Variants in NID2 observed in about 807,000 individuals in gnomAD.
NID2 encodes the protein nidogen-2.
A neutral mutation model predicts 145.4 loss-of-function variants in NID2; 83 were observed. The observed-to-expected ratio is 0.57, with a 90% CI of 0.48 to 0.69. NID2 has a LOEUF of 0.69. Ranked by LOEUF, NID2 falls within the 30% of genes least tolerant of loss-of-function variation. The pLI is 0.00. For synonymous variants in NID2, 739 were observed against 701.3 expected (o/e 1.05, Z -0.85); for missense variants, 1,807 against 1,765.7 (o/e 1.02, Z -0.42).
intron 2 of NID2, among the ~76,000 whole-genome samples, chr14:52,062,692 G>A (rs1038111470): frequency 6.6e-6 from 1 of 152,134 alleles, no homozygotes; most frequent in Non-Finnish European, 1.5e-5. Context: ...ATAAGATAAG[G>A]AGGTTGTAGA....
At chr14:52,061,262 T>C (rs1442431487) in intron 2 of NID2, among the ~76,000 whole-genome samples, 2 of 152,234 alleles carry the variant, frequency 1.3e-5, no homozygotes, top group Admixed American at 6.5e-5. Context: ...CCCTATAGAA[T>C]AATTTCTGTT....
Position 52,005,428 on chromosome 14 carries a change from G to A in NID2, c.*58C>T, listed in dbSNP as rs1890729658. On this transcript the variant is annotated 3_prime_UTR_variant, in exon 22 of 22. Coordinates refer to ENST00000216286, the MANE Select transcript of NID2 (RefSeq NM_007361.4). ...TACTTTCTTTGCCTTTGCAGTCACT[G>A]TTCTTTAGGGTCCAGGTTCTGATTG... is the stretch of plus-strand genomic sequence containing the variant. 6.7e-7 allele frequency: 1 copy of A among 1,496,070 alleles called. No homozygotes were observed. The highest frequency in any genetic ancestry group is 1.4e-5 in the African/African-American group (1 of 71,432). 92.7% of individuals were successfully genotyped at this position (1,496,070 alleles called of 1,614,324 possible). A position where few individuals can be genotyped will look rare whatever the true frequency, so the allele number is the denominator to read the frequency against.
At chr14:52,046,538 T>C (rs1194341987) in intron 5 of NID2, among the ~76,000 whole-genome samples, 1 of 152,132 alleles carries the variant, frequency 6.6e-6, no homozygotes, top group African/African-American at 2.4e-5. Context: ...AGTCTAGATA[T>C]GGAGAGTTAA....
rs1892170788 is a variant in NID2, at chr14:52,038,849, G to A, written c.2155C>T (p.Pro719Ser). 6.2e-7 allele frequency: 1 copy of A among 1,614,052 alleles called. No homozygotes were observed. Among genetic ancestry groups the A allele is most frequent in the Non-Finnish European group, 8.5e-7 (1 of 1,179,976 alleles). ...CRHAPRHPSFPTTQQLNVDRV... is the reference protein window; with the variant it reads ...CRHAPRHPSFSTTQQLNVDRV... ...TCCACGTTCAGCTGCTGGGTGGTGG[G>A]GAAGGACGGGTGTCTGGGGGCGTGC... The change falls in exon 9 of 22, where the codon CCC becomes TCC. Residue 719 changes from proline to serine, a missense_variant. Transcript: ENST00000216286.
chr14:52,006,332 C>T, intron 20 of NID2: 1 of 550,764 alleles, frequency 1.8e-6, no homozygotes. Flanking sequence ...CATTCGATTT[C>T]TGGGTGAAGT....
intron 19 of NID2, 21 bp downstream of exon 19, chr14:52,007,789 G>C: frequency 6.2e-7 from 1 of 1,603,978 alleles, no homozygotes; most frequent in Non-Finnish European, 8.5e-7. Context: ...TTATCTATTT[G>C]CATTCCATCA....
rs550755710 is a variant in NID2, at chr14:52,027,400, T to C, written c.2531-56A>G. On this transcript the variant is annotated intron_variant, in intron 11 of 21. Transcript: ENST00000216286. ...AGTTTAGGCCTGCAAAGGATGAGCC[T>C]CACTCCTCATGGCATGATCCACAGA... The C allele has an allele frequency of 4.1e-5, 58 of 1,423,684 alleles. No individual in the cohort carries two copies. In the South Asian group the frequency reaches 8.0e-4, roughly 20 times the overall value. The allele number at this position is 1,423,684 out of a possible 1,614,324, so 88.2% of individuals were successfully genotyped here.
In NID2 at chr14:52,005,466, C is replaced by T; in HGVS notation, c.*20G>A. Reference sequence around the variant, plus strand: ...CAGGTTCTGATTGTAAACTCCAAGTCTTCCTTTACATTACTGTACTTACTT... The same window carrying T: ...CAGGTTCTGATTGTAAACTCCAAGTTTTCCTTTACATTACTGTACTTACTT... On this transcript the variant is annotated 3_prime_UTR_variant, in exon 22 of 22. Coordinates refer to ENST00000216286, the MANE Select transcript of NID2 (RefSeq NM_007361.4). The T allele has an allele frequency of 6.3e-7, 1 of 1,581,442 alleles. No individual in the cohort carries two copies. Among genetic ancestry groups the T allele is most frequent in the East Asian group, 2.2e-5 (1 of 44,690 alleles).
chr14:52,027,192 GTT>G lies in NID2; in HGVS notation c.2674+7_2674+8del, dbSNP rs1891616033. 4 of 1,489,184 alleles carry G rather than the reference GTT, an allele frequency of 2.7e-6. No homozygotes were observed. The South Asian group carries it at 5.4e-5, about 20-fold the overall frequency. The allele number at this position is 1,489,184 out of a possible 1,614,324, so 92.2% of individuals were successfully genotyped here. A position where few individuals can be genotyped will look rare whatever the true frequency, so the allele number is the denominator to read the frequency against. On this transcript the variant is annotated splice_region_variant and intron_variant, in intron 12 of 21. Transcript: ENST00000216286. ...TTCCAGTCATTGAGGCTGACCTGCA[GTT>G]ACTCACCAGTGCACTGGTGCCCATC... is the stretch of plus-strand genomic sequence containing the variant.
At chr14:52,045,334 C>A (rs1892448943) in intron 5 of NID2, among the ~76,000 whole-genome samples, 1 of 152,056 alleles carries the variant, frequency 6.6e-6, no homozygotes, top group Non-Finnish European at 1.5e-5. Flanking sequence ...AAGCAGCAAG[C>A]TGAGGGTTGG....
intron 1 of NID2, among the ~76,000 whole-genome samples, chr14:52,068,528 T>C (rs960907134): frequency 2.0e-5 from 3 of 152,180 alleles, no homozygotes; most frequent in Non-Finnish European, 1.5e-5. Context: ...AACGCCACCT[T>C]TTCTGCCTGG....
At position 52,014,471 on chromosome 14, in the gene NID2, G is replaced by A. The variant is rs985045219; in HGVS notation, c.3251-15C>T. The stretch of plus-strand genomic sequence containing the variant: ...GGTGGGTATACCTGTGGGAGAGAGG[G>A]TGGGAGAGCAGGAAGGGGAACAAGG... On this transcript the variant is annotated splice_polypyrimidine_tract_variant and intron_variant, in intron 15 of 21. Coordinates refer to ENST00000216286, the MANE Select transcript of NID2 (RefSeq NM_007361.4). 2 of 1,594,416 alleles carry A rather than the reference G, an allele frequency of 1.3e-6. No homozygotes were observed. The highest frequency in any genetic ancestry group is 1.3e-5 in the African/African-American group (1 of 74,776).
rs560258638 is a variant in NID2, at chr14:52,015,316, T to G, written c.3029-41A>C. On this transcript the variant is annotated intron_variant, in intron 14 of 21. Coordinates refer to ENST00000216286, the MANE Select transcript of NID2 (RefSeq NM_007361.4). ...AGAGGGAAGAAGAAAAACCTTTGAT[T>G]GTGAGTCAAGGACAGAATGCAAAAT... The G allele has an allele frequency of 2.6e-6, 4 of 1,562,794 alleles. No homozygotes were observed. In the South Asian group the frequency reaches 4.6e-5, roughly 18 times the overall value.
chr14:52,062,196 A>T (rs962983558), intron 2 of NID2, among the ~76,000 whole-genome samples: 7 of 152,250 alleles, frequency 4.6e-5, no homozygotes, highest in African/African-American at 1.4e-4. Flanking sequence ...GATGTAACAC[A>T]CTTTTCAAGA....
rs996867723 is a variant in NID2, at chr14:52,011,819, G to T, written c.3421-136C>A. 24 of 1,034,616 alleles carry T rather than the reference G, an allele frequency of 2.3e-5. No homozygotes were observed. In the East Asian group the frequency reaches 5.8e-4, roughly 25 times the overall value. 64.1% of individuals were successfully genotyped at this position (1,034,616 alleles called of 1,614,324 possible). ...CTGCAGGCAACAGAGCAGAGTAGCT[G>T]GACATGTGGGCACTCGGGTGAAATC... On this transcript the variant is annotated intron_variant, in intron 16 of 21. Transcript: ENST00000216286.
chr14:52,061,140 A>G (rs1342341143), intron 2 of NID2, among the ~76,000 whole-genome samples: 2 of 152,112 alleles, frequency 1.3e-5, no homozygotes, highest in Non-Finnish European at 2.9e-5. Flanking sequence ...AGACTATTTA[A>G]TAGTCCCCAT....
chr14:52,020,243 C>T (rs77091361), intron 12 of NID2, 65 bp from the exon 13 acceptor site: 212,141 of 1,597,246 alleles, frequency 0.13, 15,114 homozygotes, highest in East Asian at 0.17. Context: ...ACAATCTGTG[C>T]GACTGCATGG....
intron 5 of NID2, among the ~76,000 whole-genome samples, chr14:52,049,186 T>C (rs1892605383): frequency 9.8e-6 from 1 of 102,234 alleles, no homozygotes; most frequent in Non-Finnish European, 2.2e-5. Context: ...TTTTTTCTAT[T>C]TAATGTTTTT....
intron 5 of NID2, among the ~76,000 whole-genome samples, chr14:52,044,837 C>T (rs886446431): frequency 2.0e-5 from 3 of 151,914 alleles, no homozygotes; most frequent in African/African-American, 4.8e-5. Context: ...AGGTTGGTCT[C>T]GGTCTCGAAC....
Sources: gnomAD v4.1 joint callset for allele counts (sites outside exome capture counted in the v4.1 genomes callset) on GRCh38, gnomAD v4.1.1 for gene constraint, MANE v1.5 for transcripts, NCBI Gene and HGNC (gene_info 2026-07-23, HGNC 2026-07-21) for gene names.